Variants in CDC27 observed in about 807,000 individuals in gnomAD.
CDC27 encodes cell division cycle 27.
A neutral mutation model predicts 109.7 loss-of-function variants in CDC27; 27 were observed. The observed-to-expected ratio is 0.25, with a 90% CI of 0.18 to 0.34. The LOEUF is 0.34. CDC27 is among the 10% of genes least tolerant of loss of function. The pLI is 1.00. For synonymous variants in CDC27, 266 were observed against 333.9 expected (o/e 0.80, Z 2.22); for missense variants, 579 against 960.2 (o/e 0.60, Z 5.25).
chr17:47,167,737 C>T (rs1383194086), intron 4 of CDC27, among the ~76,000 whole-genome samples: 1 of 152,198 alleles, frequency 6.6e-6, no homozygotes, highest in Non-Finnish European at 1.5e-5. Flanking sequence ...ACACACCAAG[C>T]ATCAAACGCC....
At chr17:47,173,138 C>CT (rs1156855287) in intron 2 of CDC27, among the ~76,000 whole-genome samples, 3 of 152,150 alleles carry the variant, frequency 2.0e-5, no homozygotes, top group Non-Finnish European at 2.9e-5. Flanking sequence ...CTTGCCACAT[C>CT]TTTTTAAATA....
intron 4 of CDC27, among the ~76,000 whole-genome samples, chr17:47,166,912 T>C (rs769663726): frequency 7.2e-5 from 11 of 152,200 alleles, no homozygotes; most frequent in Non-Finnish European, 1.3e-4. Flanking sequence ...TGGAGTGCAA[T>C]GGTGTGATCT....
rs2063763985 is a variant in CDC27 at position 47,169,904 on chromosome 17, C to A, written c.377+13G>T. ...GAAATGCTTTTCTGACAGTTTGAAT[C>A]ATTCTTACTTACCAATATACATGTC... On this transcript the variant is annotated intron_variant, in intron 4 of 18. Coordinates refer to ENST00000066544, the MANE Select transcript of CDC27 (RefSeq NM_001256.6). 6.4e-7 allele frequency: 1 copy of A among 1,558,980 alleles called. No homozygotes were observed. The highest frequency in any genetic ancestry group is 8.6e-7 in the Non-Finnish European group (1 of 1,159,426).
intron 4 of CDC27, among the ~76,000 whole-genome samples, chr17:47,163,289 T>C (rs2063548956): frequency 6.6e-6 from 1 of 152,194 alleles, no homozygotes; most frequent in African/African-American, 2.4e-5. Flanking sequence ...CAAAACCACA[T>C]GTATGTATCT....
chr17:47,151,989 G>T, intron 8 of CDC27, 71 bp from the exon 9 acceptor site: 1 of 1,396,246 alleles, frequency 7.2e-7, no homozygotes, highest in South Asian at 1.7e-5. Context: ...ACAACACAAC[G>T]CTCCCATCTA....
At position 47,121,109 on chromosome 17, in the gene CDC27, CAG is replaced by C. The variant is rs1345777352; in HGVS notation, c.2393-94_2393-93del. The stretch of plus-strand genomic sequence containing the variant: ...CAAGTAAGAAAAATTGTATTATATT[CAG>C]AGAGATAAAACCCTAAATAAAGGCC... On this transcript the variant is annotated intron_variant, in intron 18 of 18. Transcript: ENST00000066544. 4.9e-6 allele frequency: 4 copies of C among 820,438 alleles called. No individual in the cohort carries two copies. In the East Asian group the frequency reaches 1.1e-4, roughly 22 times the overall value. The allele number at this position is 820,438 out of a possible 1,614,324, so 50.8% of individuals were successfully genotyped here.
intron 7 of CDC27, chr17:47,154,992 G>T: frequency 2.6e-6 from 1 of 384,122 alleles, no homozygotes; most frequent in Non-Finnish European, 4.6e-6. Flanking sequence ...ATCAAACAAG[G>T]AACTAAACTG....
intron 3 of CDC27, 70 bp downstream of exon 3, chr17:47,171,847 G>T: frequency 9.6e-7 from 1 of 1,045,000 alleles, no homozygotes. Flanking sequence ...AGTTTAATCT[G>T]AAAGGAATTT....
chr17:47,121,037 G>C lies in CDC27; in HGVS notation c.2393-20C>G. On this transcript the variant is annotated intron_variant, in intron 18 of 18. Coordinates refer to ENST00000066544, the MANE Select transcript of CDC27 (RefSeq NM_001256.6). ...TTCCCACTTTAAAAATAAAACAGAA[G>C]TCCACAGTAAGTTTTCTGACAAATA... The C allele has an allele frequency of 6.5e-7, 1 of 1,533,030 alleles. No homozygotes were observed. The highest frequency in any genetic ancestry group is 9.0e-7 in the Non-Finnish European group (1 of 1,111,598). The allele number at this position is 1,533,030 out of a possible 1,614,324, so 95.0% of individuals were successfully genotyped here.
At position 47,138,840 on chromosome 17, in the gene CDC27, C is replaced by T. The variant is rs1227902336; in HGVS notation, c.1603G>A (p.Gly535Ser). The change falls in exon 13 of 19, where the codon GGC (glycine) becomes AGC (serine). Residue 535 changes from glycine to serine, a missense_variant. Physicochemically the swap from Gly to Ser is moderately conservative, Grantham distance 56 (BLOSUM62 0). Coordinates refer to ENST00000066544, the MANE Select transcript of CDC27 (RefSeq NM_001256.6). Reference sequence around the variant, plus strand: ...AGTGTTGTAGAGTAGATCTCCATGCCTTCAACTCTATAATTCTCAATCCTT... The same window carrying T: ...AGTGTTGTAGAGTAGATCTCCATGCTTTCAACTCTATAATTCTCAATCCTT... ...VRRIENYRVE[G>S]MEIYSTTLWH... The T allele has an allele frequency of 6.2e-7, 1 of 1,603,756 alleles. No individual in the cohort carries two copies. The highest frequency in any genetic ancestry group is 8.5e-7 in the Non-Finnish European group (1 of 1,172,592).
intron 3 of CDC27, among the ~76,000 whole-genome samples, chr17:47,170,766 G>A (rs1367859824): frequency 6.6e-6 from 1 of 152,058 alleles, no homozygotes; most frequent in Non-Finnish European, 1.5e-5. Flanking sequence ...AAATAGAAAT[G>A]TATATGCAAA....
At chr17:47,167,595 T>C (rs2063687774) in intron 4 of CDC27, among the ~76,000 whole-genome samples, 1 of 152,242 alleles carries the variant, frequency 6.6e-6, no homozygotes, top group Non-Finnish European at 1.5e-5. Context: ...GAACGTTTAA[T>C]GTGATAATAA....
intron 1 of CDC27, among the ~76,000 whole-genome samples, chr17:47,184,768 G>C (rs1397173580): frequency 6.6e-6 from 1 of 152,112 alleles, no homozygotes; most frequent in Non-Finnish European, 1.5e-5. Context: ...GCCGGGATTG[G>C]GGGGAAGAAC....
At chr17:47,133,028 T>TATATATATACAC (rs1555783886) in intron 14 of CDC27, among the ~76,000 whole-genome samples, 5 of 29,824 alleles carry the variant, frequency 1.7e-4, no homozygotes, top group Non-Finnish European at 2.3e-4. Flanking sequence ...TATATATATA[T>TATATATATACAC]ACACACACAC....
intron 9 of CDC27, among the ~76,000 whole-genome samples, chr17:47,147,898 CAAAA>C (rs893703763): frequency 1.3e-4 from 6 of 45,644 alleles, no homozygotes; most frequent in Non-Finnish European, 1.8e-4. Flanking sequence ...GACCCTGTCT[CAAAA>C]AAAAAAAAAA....
chr17:47,121,329 C>A (rs989812125), intron 18 of CDC27, among the ~76,000 whole-genome samples: 2 of 151,930 alleles, frequency 1.3e-5, no homozygotes, highest in African/African-American at 4.8e-5. Flanking sequence ...AAAAAATTGA[C>A]ATTTCCCCCA....
intron 2 of CDC27, among the ~76,000 whole-genome samples, chr17:47,180,162 G>A (rs1350579459): frequency 1.3e-5 from 2 of 152,038 alleles, no homozygotes; most frequent in African/African-American, 2.4e-5. Flanking sequence ...AAAATATGGG[G>A]CCTGCCTAGG....
At chr17:47,133,062 T>TAC (rs200816984) in intron 14 of CDC27, among the ~76,000 whole-genome samples, 9,266 of 73,310 alleles carry the variant, frequency 0.13, 812 homozygotes, top group East Asian at 0.45. Context: ...CACATACATA[T>TAC]ACACACACAC....
rs759107956 is a variant in CDC27, at chr17:47,143,996, A to T, written c.1071-14T>A. The T allele has an allele frequency of 8.5e-7, 1 of 1,181,382 alleles. No homozygotes were observed. Among genetic ancestry groups the T allele is most frequent in the South Asian group, 2.3e-5 (1 of 43,842 alleles). The allele number at this position is 1,181,382 out of a possible 1,614,324, so 73.2% of individuals were successfully genotyped here. On this transcript the variant is annotated splice_polypyrimidine_tract_variant and intron_variant, in intron 9 of 18. Transcript: ENST00000066544. ...TGAGGTGTTGTACTAAAAAAAAATT[A>T]TAAAGGAAGACATTAATATTTTACT... is the stretch of plus-strand genomic sequence containing the variant.
Sources: allele counts gnomAD v4.1 joint callset (sites outside exome capture counted in the v4.1 genomes callset), GRCh38; gene constraint gnomAD v4.1.1; transcripts MANE v1.5; gene names NCBI Gene and HGNC (gene_info 2026-07-23, HGNC 2026-07-21).